FHIT: variants seen among roughly 807,000 people sequenced by gnomAD.
The protein encoded by FHIT is bis(5'-adenosyl)-triphosphatase.
Under a neutral mutation model 17.9 loss-of-function variants are expected in FHIT, and 19 were observed. The ratio of observed to expected loss-of-function variants is 1.06; its 90% CI spans 0.74 to 1.56. The LOEUF (loss-of-function observed/expected upper bound fraction) is 1.56. Among genes scored for constraint, FHIT ranks in the 40% most tolerant of loss-of-function variants. The probability of loss-of-function intolerance (pLI) is 0.00; values close to 1 mark genes in which losing one functional copy is unlikely to be tolerated. For synonymous variants in FHIT, 81 were observed against 69.7 expected, an observed-to-expected ratio of 1.16 and a Z score of -0.81; for missense variants, 248 against 189.2, an observed-to-expected ratio of 1.31 and a Z score of -1.82.
intron 4 of FHIT, among the ~76,000 whole-genome samples, chr3:60,672,219 G>GAAGAGACC (rs1225958920): frequency 6.6e-5 from 10 of 152,156 alleles, no homozygotes; most frequent in Non-Finnish European, 1.0e-4. Flanking sequence ...ACGTCCGTGT[G>GAAGAGACC]AAGAGACCAC....
At chr3:60,314,264 A>C (rs1190432682) in intron 5 of FHIT, among the ~76,000 whole-genome samples, 1 of 152,194 alleles carries the variant, frequency 6.6e-6, no homozygotes, top group Admixed American at 6.5e-5. Context: ...TTTAAAAAAA[A>C]TCATGCTCTG....
chr3:59,910,812 T>A (rs777329914), intron 8 of FHIT, among the ~76,000 whole-genome samples: 1 of 152,188 alleles, frequency 6.6e-6, no homozygotes. Context: ...AAGTTTCCGT[T>A]GTCTAGCTTC....
chr3:59,764,511 C>G (rs1701693467), intron 8 of FHIT, among the ~76,000 whole-genome samples: 1 of 152,198 alleles, frequency 6.6e-6, no homozygotes, highest in African/African-American at 2.4e-5. Context: ...CCCTGTGCAG[C>G]CTACAAATCC....
chr3:60,929,013 C>T (rs1467620072), intron 3 of FHIT, among the ~76,000 whole-genome samples: 7 of 152,170 alleles, frequency 4.6e-5, no homozygotes, highest in Non-Finnish European at 7.3e-5. Context: ...AAAGCTTATC[C>T]ACCATGATCA....
chr3:61,014,795 A>ATATAT (rs1320038721), intron 3 of FHIT, among the ~76,000 whole-genome samples: 4 of 85,450 alleles, frequency 4.7e-5, no homozygotes, highest in Non-Finnish European at 1.2e-4. Flanking sequence ...AAAAAAAAAA[A>ATATAT]AAAAAAAAAA....
At chr3:59,952,348 T>A (rs1008325532) in intron 7 of FHIT, among the ~76,000 whole-genome samples, 14 of 152,138 alleles carry the variant, frequency 9.2e-5, no homozygotes, top group African/African-American at 3.4e-4. Context: ...AAAGCCAGTA[T>A]CCCAGACACA....
rs1041884113 is a variant in FHIT at position 60,203,181 on chromosome 3, G to A, written c.104-189029C>T. Among the ~76,000 whole-genome samples the A allele has an allele frequency of 6.6e-5, 10 of 152,186 alleles. No individual in the cohort carries two copies. The East Asian group carries it at 1.9e-3, about 29-fold the overall frequency. ...TAGAGAGTTTGCATGAAGTGTGTGT[G>A]AGTCTTTGCATTTTTGCAACTCCTG... On this transcript the variant is annotated intron_variant, in intron 5 of 9. Transcript: ENST00000492590.
chr3:59,855,537 C>T (rs1395747839), intron 8 of FHIT, among the ~76,000 whole-genome samples: 15 of 152,100 alleles, frequency 9.9e-5, no homozygotes, highest in African/African-American at 3.4e-4. Context: ...TTAAAAGTTA[C>T]CTACAACTGA....
At chr3:60,030,490 C>T (rs1390364687) in intron 5 of FHIT, among the ~76,000 whole-genome samples, 1 of 152,226 alleles carries the variant, frequency 6.6e-6, no homozygotes, top group East Asian at 1.9e-4. Context: ...TTATCAATCC[C>T]ATCCCATGAA....
At chr3:60,623,326 T>C (rs1553679466) in intron 4 of FHIT, among the ~76,000 whole-genome samples, 1 of 152,152 alleles carries the variant, frequency 6.6e-6, no homozygotes, top group East Asian at 1.9e-4. Context: ...AAATTCGACA[T>C]GCCATCTCAA....
intron 8 of FHIT, among the ~76,000 whole-genome samples, chr3:59,830,018 G>C (rs1701111606): frequency 6.6e-6 from 1 of 152,072 alleles, no homozygotes; most frequent in African/African-American, 2.4e-5. Context: ...TGAGGCTGTA[G>C]TGAGCCATGA....
At chr3:60,513,574 C>T (rs887427295) in intron 5 of FHIT, among the ~76,000 whole-genome samples, 2 of 152,172 alleles carry the variant, frequency 1.3e-5, no homozygotes, top group African/African-American at 4.8e-5. Flanking sequence ...AATCTTTCAG[C>T]TTTGTCCATG....
chr3:60,714,458 A>G (rs1440902612), intron 4 of FHIT, among the ~76,000 whole-genome samples: 1 of 152,222 alleles, frequency 6.6e-6, no homozygotes, highest in Non-Finnish European at 1.5e-5. Flanking sequence ...AGGAGGAAAT[A>G]AAGGGTATTC....
At chr3:61,223,594 A>G (rs1460534692) in intron 1 of FHIT, among the ~76,000 whole-genome samples, 1 of 152,216 alleles carries the variant, frequency 6.6e-6, no homozygotes, top group South Asian at 2.1e-4. Flanking sequence ...AAGGCATCCA[A>G]TAATGTGCAA....
intron 4 of FHIT, among the ~76,000 whole-genome samples, chr3:60,677,577 G>T (rs974883139): frequency 2.6e-5 from 4 of 151,942 alleles, no homozygotes; most frequent in African/African-American, 7.3e-5. Flanking sequence ...GTATATATGT[G>T]TATATGTATA....
At chr3:60,181,650 C>T (rs1193497661) in intron 5 of FHIT, among the ~76,000 whole-genome samples, 1 of 152,160 alleles carries the variant, frequency 6.6e-6, no homozygotes, top group Non-Finnish European at 1.5e-5. Flanking sequence ...CACAAAGCCT[C>T]TTGGTAATAA....
intron 4 of FHIT, among the ~76,000 whole-genome samples, chr3:60,710,318 C>T (rs535632054): frequency 4.6e-5 from 7 of 152,310 alleles, no homozygotes; most frequent in African/African-American, 7.2e-5. Flanking sequence ...GGAACAGCTC[C>T]GGTCTACAGC....
At chr3:60,630,261 A>G (rs186917438) in intron 4 of FHIT, among the ~76,000 whole-genome samples, 115 of 152,350 alleles carry the variant, frequency 7.5e-4, no homozygotes, top group Admixed American at 2.2e-3. Flanking sequence ...CATCAGTTTT[A>G]TAAATGACAA....
chr3:61,078,928 C>A (rs909578675), intron 2 of FHIT, among the ~76,000 whole-genome samples: 2 of 151,874 alleles, frequency 1.3e-5, no homozygotes, highest in Non-Finnish European at 1.5e-5. Flanking sequence ...TATATGAATA[C>A]AATTTAAAGA....
Sources: gnomAD v4.1 joint callset for allele counts (sites outside exome capture counted in the v4.1 genomes callset) on GRCh38, gnomAD v4.1.1 for gene constraint, MANE v1.5 for transcripts, NCBI Gene and HGNC (gene_info 2026-07-23, HGNC 2026-07-21) for gene names.